The following WHAMM variants were observed in gnomAD, a reference collection of about 807,000 sequenced individuals.
WHAMM encodes WASP homolog-associated protein with actin, membranes and microtubules.
A neutral mutation model predicts 76.5 loss-of-function variants in WHAMM; 67 were observed. That is an observed-to-expected ratio of 0.88 (90% CI 0.72 to 1.07). The LOEUF (loss-of-function observed/expected upper bound fraction) is 1.07. Among genes scored for constraint, WHAMM ranks in the 50% least tolerant of loss-of-function variants. The pLI is 0.00. For synonymous variants in WHAMM, 419 were observed against 422.1 expected (o/e 0.99, Z 0.09); for missense variants, 1,021 against 1,051.1 (o/e 0.97, Z 0.40).
chr15:82,830,609 C>T lies in WHAMM; in HGVS notation c.1652C>T (p.Ala551Val). 1 of 1,611,372 alleles carries T rather than the reference C, an allele frequency of 6.2e-7. No homozygotes were observed. The highest frequency in any genetic ancestry group is 8.5e-7 in the Non-Finnish European group (1 of 1,178,176). Residue 551 changes from alanine (A) to valine (V), a missense_variant, in exon 9 of 10, where the codon GCT (alanine) becomes GTT (valine). Transcript: ENST00000286760. ...GTTTTTCATTTTCAGAAACGCCTAG[C>T]TCAATCTGTCCGAAACACCTCTGGC... ...RLRSFKDKRL[A>V]QSVRNTSGSE...
In WHAMM at chr15:82,818,010, T is replaced by C. The variant is rs769936762; in HGVS notation, c.1025T>C (p.Met342Thr). ...AIPRLEKLQL[M>T]LARETLQLMR... ...CCCAGGTTGGAAAAACTTCAGCTAA[T>C]GCTAGCTCGAGAGACTCTGCAACTC... The change falls in exon 4 of 10, where the codon ATG becomes ACG. Residue 342 changes from methionine to threonine, a missense_variant. By Grantham distance (81) the Met-to-Thr change is moderately conservative (BLOSUM62 -1). Transcript: ENST00000286760. The C allele has an allele frequency of 5.8e-6, 9 of 1,549,486 alleles. No individual in the cohort carries two copies. The highest frequency in any genetic ancestry group is 7.8e-6 in the Non-Finnish European group (9 of 1,146,696).
intron 8 of WHAMM, among the ~76,000 whole-genome samples, chr15:82,830,088 TC>T (rs1292335548): frequency 3.9e-5 from 6 of 152,290 alleles, no homozygotes; most frequent in Non-Finnish European, 8.8e-5. Context: ...AGAACTTTTC[TC>T]ATTTTTAATC....
rs2050939651 is a variant in WHAMM, at chr15:82,826,639, G to A, written c.1546-112G>A. The stretch of plus-strand genomic sequence containing the variant: ...GGTCTGCAGCCTGGGCGCAGCCTTG[G>A]GGTGGTAATGTTGGGGTACAGCCTC... On this transcript the variant is annotated intron_variant, in intron 7 of 9. Transcript: ENST00000286760. 9 of 1,556,178 alleles carry A rather than the reference G, an allele frequency of 5.8e-6. No individual in the cohort carries two copies. In the South Asian group the frequency reaches 1.1e-4, roughly 19 times the overall value.
chr15:82,815,785 T>C (rs1293867466), intron 2 of WHAMM, among the ~76,000 whole-genome samples: 3 of 152,240 alleles, frequency 2.0e-5, no homozygotes, highest in Non-Finnish European at 4.4e-5. Flanking sequence ...TATCTCGTTA[T>C]GGTTTTGATT....
At chr15:82,825,995 C>G (rs2050925491) in intron 6 of WHAMM, among the ~76,000 whole-genome samples, 1 of 152,150 alleles carries the variant, frequency 6.6e-6, no homozygotes, top group African/African-American at 2.4e-5. Context: ...TGGTTAAGCA[C>G]AGGTGAAACA....
rs893880242 is a variant in WHAMM at position 82,823,422 on chromosome 15, C to T, written c.1458+135C>T. The T allele has an allele frequency of 1.5e-5, 11 of 734,564 alleles. No homozygotes were observed. In the African/African-American group the frequency reaches 1.8e-4, roughly 12 times the overall value. 45.5% of individuals were successfully genotyped at this position (734,564 alleles called of 1,614,324 possible). A position where few individuals can be genotyped will look rare whatever the true frequency, so the allele number is the denominator to read the frequency against. ...TGTGTGCTTATGTACTTATCCATGG[C>T]TATAGTTAAAATGCTTTTAAATATT... is the stretch of plus-strand genomic sequence containing the variant. On this transcript the variant is annotated intron_variant, in intron 6 of 9. Coordinates refer to ENST00000286760, the MANE Select transcript of WHAMM (RefSeq NM_001080435.3).
At chr15:82,814,829 G>A (rs1436454451) in intron 2 of WHAMM, among the ~76,000 whole-genome samples, 1 of 140,056 alleles carries the variant, frequency 7.1e-6, no homozygotes, top group Non-Finnish European at 1.5e-5. Context: ...GAGTGCAGTG[G>A]TGCAATCTCA....
intron 8 of WHAMM, among the ~76,000 whole-genome samples, chr15:82,828,191 T>C (rs563663293): frequency 1.3e-5 from 2 of 152,306 alleles, no homozygotes; most frequent in Non-Finnish European, 2.9e-5. Flanking sequence ...CCTTGTGAGA[T>C]AGTTTCATCA....
chr15:82,833,314 C>T lies in WHAMM; in HGVS notation c.2208C>T (p.His736=), dbSNP rs11259954. 16 of 1,613,724 alleles carry T rather than the reference C, an allele frequency of 9.9e-6. No individual in the cohort carries two copies. Among genetic ancestry groups the T allele is most frequent in the East Asian group, 2.2e-5 (1 of 44,856 alleles). Reference sequence around the variant, plus strand: ...AAGTGCCGGCGGTGCGCCCTCCCCACGCCTCAATCAATGAGCACATTCTGG... The same window carrying T: ...AAGTGCCGGCGGTGCGCCCTCCCCATGCCTCAATCAATGAGCACATTCTGG... ...KVEVPAVRPP[H]ASINEHILAA... Residue 736 remains histidine (H), a synonymous_variant, in exon 10 of 10, where the codon CAC becomes CAT. Coordinates refer to ENST00000286760, the MANE Select transcript of WHAMM (RefSeq NM_001080435.3).
At chr15:82,812,329 T>C (rs1434063444) in intron 1 of WHAMM, among the ~76,000 whole-genome samples, 5 of 152,158 alleles carry the variant, frequency 3.3e-5, no homozygotes, top group African/African-American at 9.7e-5. Flanking sequence ...CCCGGGTTCA[T>C]GCTATTCTCC....
chr15:82,821,107 C>A (rs2151564893), intron 5 of WHAMM, among the ~76,000 whole-genome samples: 1 of 152,110 alleles, frequency 6.6e-6, no homozygotes, highest in East Asian at 1.9e-4. Context: ...TTATGAAATG[C>A]CTATTCATAG....
intron 2 of WHAMM, 101 bp downstream of exon 2, chr15:82,813,377 G>T: frequency 3.7e-6 from 4 of 1,094,118 alleles, no homozygotes; most frequent in East Asian, 2.8e-5. Context: ...ACTTTGTTTG[G>T]GTTTACCATT....
intron 2 of WHAMM, among the ~76,000 whole-genome samples, chr15:82,816,013 G>A (rs2050720592): frequency 6.6e-6 from 1 of 152,296 alleles, no homozygotes; most frequent in East Asian, 1.9e-4. Flanking sequence ...GTGAGGGCCA[G>A]TTTCTTAATT....
At chr15:82,818,896 C>CT (rs1208340587) in intron 4 of WHAMM, among the ~76,000 whole-genome samples, 1 of 152,198 alleles carries the variant, frequency 6.6e-6, no homozygotes, top group Non-Finnish European at 1.5e-5. Flanking sequence ...AGCCTTTCTT[C>CT]TGTGTGTATG....
rs1430133607 is a variant in WHAMM at position 82,826,714 on chromosome 15, T to C, written c.1546-37T>C. The stretch of plus-strand genomic sequence containing the variant: ...GTATGCCAAGACATTTTTTGTAATG[T>C]TGAGCAATTTACAAATATACATTTG... On this transcript the variant is annotated intron_variant, in intron 7 of 9. Coordinates refer to ENST00000286760, the MANE Select transcript of WHAMM (RefSeq NM_001080435.3). 9 of 1,532,034 alleles carry C rather than the reference T, an allele frequency of 5.9e-6. No homozygotes were observed. In the South Asian group the frequency reaches 1.1e-4, roughly 19 times the overall value. The allele number at this position is 1,532,034 out of a possible 1,614,324, so 94.9% of individuals were successfully genotyped here.
At position 82,829,704 on chromosome 15, in the gene WHAMM, G is replaced by C. The variant is rs144160016; in HGVS notation, c.1642-895G>C. ...TGAGTTTATCATGGATTGCATGGGG[G>C]GGGTGTGTGTGTGTTTAGGTTTGCA... On this transcript the variant is annotated intron_variant, in intron 8 of 9. Transcript: ENST00000286760. 5.9e-5 allele frequency among the ~76,000 whole-genome samples: 9 copies of C among 151,984 alleles called. No individual in the cohort carries two copies. The East Asian group carries it at 1.2e-3, about 20-fold the overall frequency.
In WHAMM at chr15:82,809,900, G is replaced by A; in HGVS notation, c.174G>A (p.Gly58=). ...RTAQQRRLRE[G]ARLGPEPEPK... ...CGCAGCAGCGGCGGCTGCGCGAGGGGGCCCGGTTGGGGCCCGAGCCCGAGC... is the reference window on the plus strand; with the variant it reads ...CGCAGCAGCGGCGGCTGCGCGAGGGAGCCCGGTTGGGGCCCGAGCCCGAGC... Residue 58 remains glycine (G), a synonymous_variant, in exon 1 of 10, where the codon GGG becomes GGA. Transcript: ENST00000286760. 1.3e-6 allele frequency: 2 copies of A among 1,546,670 alleles called. No individual in the cohort carries two copies. The highest frequency in any genetic ancestry group is 1.7e-6 in the Non-Finnish European group (2 of 1,144,378).
rs371348951 is a variant in WHAMM at position 82,826,474 on chromosome 15, G to A, written c.1523G>A (p.Arg508His). Reference protein sequence around the residue: ...QQAEESIRYSRQHHSIQMKRD... With the variant: ...QQAEESIRYSHQHHSIQMKRD... ...GCTGAAGAAAGCATAAGATACTCTC[G>A]TCAGCATCACAGTATTCAGATGGTG... Residue 508 changes from arginine to histidine, a missense_variant, in exon 7 of 10, where the codon CGT becomes CAT. This residue lies in a region of WHAMM where 509 missense variants were observed against 492.3 expected (regional missense o/e 1.03). Transcript: ENST00000286760. 9 of 1,613,772 alleles carry A rather than the reference G, an allele frequency of 5.6e-6. No individual in the cohort carries two copies. The highest frequency in any genetic ancestry group is 4.0e-5 in the African/African-American group (3 of 74,904).
intron 9 of WHAMM, 127 bp from the exon 10 acceptor site, chr15:82,833,102 T>G (rs1376711289): frequency 2.7e-6 from 3 of 1,121,906 alleles, no homozygotes; most frequent in Non-Finnish European, 3.7e-6. Flanking sequence ...GGCATTTGCT[T>G]AATGAAGTGA....
Sources: allele counts gnomAD v4.1 joint callset (sites outside exome capture counted in the v4.1 genomes callset), GRCh38; gene constraint gnomAD v4.1.1; regional missense constraint gnomAD v4.1.1; transcripts MANE v1.5; gene names NCBI Gene and HGNC (gene_info 2026-07-23, HGNC 2026-07-21).